The following DDX60L variants were observed in gnomAD, a reference collection of about 807,000 sequenced individuals.
DDX60L encodes DExD/H-box 60 like, also known as probable ATP-dependent RNA helicase DDX60-like.
Under a neutral mutation model 211.6 loss-of-function variants are expected in DDX60L, and 191 were observed. The observed-to-expected ratio is 0.90, with a 90% CI of 0.80 to 1.02. The LOEUF (loss-of-function observed/expected upper bound fraction) is 1.02. DDX60L is among the 50% of genes least tolerant of loss of function. The probability of loss-of-function intolerance (pLI) is 0.00; values close to 1 mark genes in which losing one functional copy is unlikely to be tolerated. For missense variants in DDX60L, 2,007 were observed against 1,984.1 expected (o/e 1.01, Z -0.22); for synonymous variants, 706 against 694.1 (o/e 1.02, Z -0.27).
intron 1 of DDX60L, among the ~76,000 whole-genome samples, chr4:168,479,130 G>A (rs1760020389): frequency 1.2e-5 from 1 of 83,844 alleles, no homozygotes. Flanking sequence ...GATGATGGAT[G>A]GATGGATGGA....
Position 168,456,026 on chromosome 4 carries a change from T to G in DDX60L, c.837+13A>C. Reference sequence around the variant, plus strand: ...ACAGCTTTCTGCCTGGCGGCTGTGTTCTTTTTACTTACTAAGACACGATGG... The same window carrying G: ...ACAGCTTTCTGCCTGGCGGCTGTGTGCTTTTTACTTACTAAGACACGATGG... On this transcript the variant is annotated intron_variant, in intron 7 of 37. Transcript: ENST00000682922. 1 of 1,555,442 alleles carries G rather than the reference T, an allele frequency of 6.4e-7. No homozygotes were observed. Among genetic ancestry groups the G allele is most frequent in the Non-Finnish European group, 8.7e-7 (1 of 1,148,120 alleles).
intron 5 of DDX60L, among the ~76,000 whole-genome samples, chr4:168,459,528 G>A (rs1757021201): frequency 6.6e-6 from 1 of 151,602 alleles, no homozygotes; most frequent in Non-Finnish European, 1.5e-5. Flanking sequence ...AAGGTGGGTG[G>A]ATCACCTGAG....
intron 26 of DDX60L, among the ~76,000 whole-genome samples, chr4:168,399,684 C>A (rs1408126154): frequency 1.3e-5 from 2 of 152,070 alleles, no homozygotes; most frequent in Non-Finnish European, 2.9e-5. Flanking sequence ...TGAACCAAGG[C>A]AGAGCCAGTA....
intron 8 of DDX60L, among the ~76,000 whole-genome samples, chr4:168,450,926 C>T (rs1027896805): frequency 1.3e-5 from 2 of 151,760 alleles, no homozygotes; most frequent in Non-Finnish European, 2.9e-5. Context: ...ATAATAATGA[C>T]AACAATAATA....
At chr4:168,428,796 C>T (rs376110877) in intron 13 of DDX60L, among the ~76,000 whole-genome samples, 10 of 152,230 alleles carry the variant, frequency 6.6e-5, no homozygotes, top group South Asian at 6.2e-4. Context: ...TAAAATCTAC[C>T]GTTTGTTCAG....
intron 22 of DDX60L, among the ~76,000 whole-genome samples, chr4:168,413,999 CA>C (rs1331723916): frequency 6.6e-6 from 1 of 152,046 alleles, no homozygotes; most frequent in Non-Finnish European, 1.5e-5. Context: ...AGAAAAGAAA[CA>C]AATAACACAA....
At chr4:168,463,280 C>T (rs1436346347) in intron 4 of DDX60L, among the ~76,000 whole-genome samples, 2 of 152,200 alleles carry the variant, frequency 1.3e-5, no homozygotes, top group Non-Finnish European at 2.9e-5. Flanking sequence ...ACATATACAT[C>T]ATGGAATACT....
At chr4:168,410,043 G>C (rs1426651339) in intron 22 of DDX60L, among the ~76,000 whole-genome samples, 2 of 152,092 alleles carry the variant, frequency 1.3e-5, no homozygotes, top group African/African-American at 4.8e-5. Flanking sequence ...CAACTTTTGT[G>C]TATATGGCAC....
intron 26 of DDX60L, among the ~76,000 whole-genome samples, chr4:168,400,216 A>G (rs916763398): frequency 2.6e-5 from 4 of 152,186 alleles, no homozygotes. Context: ...TTATGGCTGC[A>G]TAGTATTCCT....
intron 37 of DDX60L, among the ~76,000 whole-genome samples, chr4:168,358,801 G>T (rs1216262259): frequency 1.3e-5 from 2 of 151,830 alleles, no homozygotes; most frequent in Non-Finnish European, 2.9e-5. Flanking sequence ...TACAGGCGTG[G>T]GCCACCGTGT....
chr4:168,415,260 T>TA lies in DDX60L; in HGVS notation c.2979+147dup, dbSNP rs1485841463. The TA allele has an allele frequency of 1.3e-4, 61 of 454,352 alleles. No homozygotes were observed. The East Asian group carries it at 2.0e-3, about 15-fold the overall frequency. 28.1% of individuals were successfully genotyped at this position (454,352 alleles called of 1,614,324 possible). A position where few individuals can be genotyped will look rare whatever the true frequency, so the allele number is the denominator to read the frequency against. Reference sequence around the variant, plus strand: ...TTAAAAATAAAAAATGTATTAAATTTAAAAAATCAATGAATAAAATAAAAG... The same window carrying TA: ...TTAAAAATAAAAAATGTATTAAATTTAAAAAAATCAATGAATAAAATAAAAG... On this transcript the variant is annotated intron_variant, in intron 22 of 37. Transcript: ENST00000682922.
At position 168,430,566 on chromosome 4, in the gene DDX60L, G is replaced by C; in HGVS notation, c.1589C>G (p.Ser530Trp). 6.2e-7 allele frequency: 1 copy of C among 1,606,642 alleles called. No homozygotes were observed. Among genetic ancestry groups the C allele is most frequent in the African/African-American group, 1.3e-5 (1 of 74,902 alleles). Residue 530 changes from serine to tryptophan, a missense_variant, in exon 13 of 38, where the codon TCG becomes TGG. By Grantham distance (177) the Ser-to-Trp change is radical. Transcript: ENST00000682922. ...GACTTTCGTAGAGATTGATTCTAAC[G>C]ATTTCCCATAAAATTGCTGATAATC... is the stretch of plus-strand genomic sequence containing the variant. Reference protein sequence around the residue: ...IQDYQQFYGKSLESISTKVIV... With the variant: ...IQDYQQFYGKWLESISTKVIV...
At chr4:168,392,545 A>G (rs1450867275) in intron 28 of DDX60L, among the ~76,000 whole-genome samples, 1 of 150,220 alleles carries the variant, frequency 6.7e-6, no homozygotes, top group African/African-American at 2.5e-5. Flanking sequence ...TATCATTTAG[A>G]AAAAAAAAAG....
intron 29 of DDX60L, chr4:168,390,142 T>A: frequency 1.0e-6 from 1 of 988,524 alleles, no homozygotes. Context: ...GAGATAATGC[T>A]AAGTCATCAG....
intron 7 of DDX60L, 33 bp from the exon 8 acceptor site, chr4:168,453,315 A>G: frequency 6.3e-7 from 1 of 1,576,746 alleles, no homozygotes; most frequent in East Asian, 2.3e-5. Flanking sequence ...GAACAGTCAC[A>G]ATGTCACGCT....
intron 12 of DDX60L, among the ~76,000 whole-genome samples, chr4:168,431,149 G>C (rs1302854621): frequency 6.6e-6 from 1 of 152,042 alleles, no homozygotes; most frequent in African/African-American, 2.4e-5. Context: ...CTCTACTTCT[G>C]GTCCCAGTCA....
intron 5 of DDX60L, among the ~76,000 whole-genome samples, chr4:168,460,128 T>C (rs1049639542): frequency 1.3e-5 from 2 of 152,222 alleles, no homozygotes; most frequent in Non-Finnish European, 2.9e-5. Context: ...AAGATTATTT[T>C]TGATAAACTA....
At chr4:168,379,702 C>G in intron 31 of DDX60L, 24 bp downstream of exon 31, 1 of 1,588,630 alleles carries the variant, frequency 6.3e-7, no homozygotes, top group Non-Finnish European at 8.6e-7. Flanking sequence ...TTACAGAGAA[C>G]AAAAAGCCAA....
intron 4 of DDX60L, among the ~76,000 whole-genome samples, chr4:168,462,762 G>A (rs1456140602): frequency 2.0e-5 from 3 of 151,980 alleles, no homozygotes; most frequent in Non-Finnish European, 2.9e-5. Context: ...GCAGTGAGCC[G>A]AGATCATGCC....
Sources: gnomAD v4.1 joint callset for allele counts (sites outside exome capture counted in the v4.1 genomes callset) on GRCh38, gnomAD v4.1.1 for gene constraint, MANE v1.5 for transcripts, NCBI Gene and HGNC (gene_info 2026-07-23, HGNC 2026-07-21) for gene names.